The following PPP2R2D variants were observed in gnomAD, a reference collection of about 807,000 sequenced individuals.
PPP2R2D encodes the protein protein phosphatase 2 regulatory subunit Bdelta.
Under a neutral mutation model 31.1 loss-of-function variants are expected in PPP2R2D, and 9 were observed. That is an observed-to-expected ratio of 0.29 (90% CI 0.17 to 0.51). The LOEUF (loss-of-function observed/expected upper bound fraction) is 0.51. Ranked by LOEUF, PPP2R2D falls within the 20% of genes least tolerant of loss-of-function variation. The pLI is 0.98. For synonymous variants in PPP2R2D, 179 were observed against 172.6 expected (o/e 1.04, Z -0.29); for missense variants, 391 against 465.6 (o/e 0.84, Z 1.48).
At chr10:131,955,029 T>G (rs2120038004) in intron 8 of PPP2R2D, among the ~76,000 whole-genome samples, 1 of 152,328 alleles carries the variant, frequency 6.6e-6, no homozygotes, top group South Asian at 2.1e-4. Context: ...TATTATGAAG[T>G]TATATCATGA....
At chr10:131,953,494 G>T (rs1411387722) in intron 8 of PPP2R2D, among the ~76,000 whole-genome samples, 2 of 114,250 alleles carry the variant, frequency 1.8e-5, no homozygotes, top group Non-Finnish European at 3.5e-5. Context: ...GGGTGTGCGG[G>T]GGGTTCACTT....
At chr10:131,934,261 C>G (rs1271599503) in intron 2 of PPP2R2D, among the ~76,000 whole-genome samples, 197 bp from the exon 3 acceptor site, 1 of 152,144 alleles carries the variant, frequency 6.6e-6, no homozygotes, top group Non-Finnish European at 1.5e-5. Flanking sequence ...GCCCATTCAC[C>G]TGTGCCGGCA....
At chr10:131,939,088 A>G (rs11599591) in intron 3 of PPP2R2D, among the ~76,000 whole-genome samples, 23,118 of 134,984 alleles carry the variant, frequency 0.17, 2,113 homozygotes, top group South Asian at 0.23. Context: ...GGCTGCATTC[A>G]GCAGACCTGC....
At chr10:131,915,377 A>G (rs1404318969) in intron 2 of PPP2R2D, among the ~76,000 whole-genome samples, 1 of 152,108 alleles carries the variant, frequency 6.6e-6, no homozygotes, top group East Asian at 1.9e-4. Flanking sequence ...GCCACCTCAC[A>G]TTGGGATAGG....
At chr10:131,968,769 C>CTT in the PPP2R2D span, 1 of 494,474 alleles carries the variant, frequency 2.0e-6, no homozygotes, top group Admixed American at 3.3e-5. Flanking sequence ...TATTAATTAA[C>CTT]TTAGAAAACA....
At chr10:131,934,845 T>C (rs374955317) in intron 3 of PPP2R2D, 41 of 494,714 alleles carry the variant, frequency 8.3e-5, no homozygotes, top group Non-Finnish European at 1.4e-4. Context: ...TTTCATTCCA[T>C]AAGAACTCAC....
At chr10:131,914,962 T>A (rs140778071) in intron 2 of PPP2R2D, among the ~76,000 whole-genome samples, 152 of 152,120 alleles carry the variant, frequency 1.0e-3, no homozygotes, top group Admixed American at 2.0e-3. Context: ...GGAGGAAGGT[T>A]TTTCTCTCCG....
At chr10:131,929,763 C>T (rs2036181783) in intron 2 of PPP2R2D, among the ~76,000 whole-genome samples, 1 of 152,156 alleles carries the variant, frequency 6.6e-6, no homozygotes, top group Admixed American at 6.6e-5. Flanking sequence ...ACTTCTAGGG[C>T]ATGTTTTACA....
At chr10:131,930,668 C>T (rs1007750320) in intron 2 of PPP2R2D, among the ~76,000 whole-genome samples, 1 of 152,212 alleles carries the variant, frequency 6.6e-6, no homozygotes, top group Non-Finnish European at 1.5e-5. Flanking sequence ...CCGCATGTGA[C>T]CTGTTCATTT....
At chr10:131,952,964 G>A (rs1399639685) in intron 8 of PPP2R2D, among the ~76,000 whole-genome samples, 1 of 90,902 alleles carries the variant, frequency 1.1e-5, no homozygotes. Flanking sequence ...ACTTGCGAGT[G>A]TGCGGGGGTT....
rs781827357 is a variant in PPP2R2D, at chr10:131,940,692, C to T, written c.475C>T (p.Arg159Trp). The change falls in exon 5 of 9, where the codon CGG (arginine) becomes TGG (tryptophan). Residue 159 changes from arginine (R) to tryptophan (W), a missense_variant and splice_region_variant. Around this residue, in one of 3 missense-constraint regions of PPP2R2D, gnomAD observed 105 missense variants for 98.5 expected, o/e 1.07. Coordinates refer to ENST00000455566, the MANE Select transcript of PPP2R2D (RefSeq NM_018461.5). ...LRDPFRITAL[R>W]VPILKPMDLM... The stretch of plus-strand genomic sequence containing the variant: ...AGACCCATTTAGGATCACGGCGCTA[C>T]GGGTACACGTTGCCTTTGCTTTATC... 3.9e-6 allele frequency: 3 copies of T among 773,796 alleles called. No individual in the cohort carries two copies. The highest frequency in any genetic ancestry group is 1.7e-5 in the Admixed American group (1 of 58,040). 47.9% of individuals were successfully genotyped at this position (773,796 alleles called of 1,614,324 possible). A position where few individuals can be genotyped will look rare whatever the true frequency, so the allele number is the denominator to read the frequency against.
At chr10:131,971,230 T>C in the PPP2R2D span, 1 of 484,816 alleles carries the variant, frequency 2.1e-6, no homozygotes, top group Admixed American at 3.5e-5. Context: ...CGTAAATACA[T>C]TTGGTTCACT....
At chr10:131,913,126 G>A (rs1231218851) in intron 2 of PPP2R2D, among the ~76,000 whole-genome samples, 1 of 151,286 alleles carries the variant, frequency 6.6e-6, no homozygotes, top group Non-Finnish European at 1.5e-5. Context: ...AGGTTCAAAC[G>A]GTTCTCCTGC....
intron 2 of PPP2R2D, among the ~76,000 whole-genome samples, chr10:131,918,004 T>G (rs1475227229): frequency 9.1e-6 from 1 of 109,606 alleles, no homozygotes; most frequent in South Asian, 3.1e-4. Context: ...GGACCTCACG[T>G]GGGTGGAATG....
At chr10:131,953,881 A>G (rs1365461190) in intron 8 of PPP2R2D, among the ~76,000 whole-genome samples, 9 of 152,154 alleles carry the variant, frequency 5.9e-5, no homozygotes, top group African/African-American at 1.7e-4. Context: ...CTTAGATTAC[A>G]TATCCCCAAG....
chr10:131,947,621 G>A lies in PPP2R2D; in HGVS notation c.912G>A (p.Arg304=), dbSNP rs782682484. ...ISDVKFSHSG[R]YMMTRDYLSV... ...ATGTAAAATTCAGTCATAGTGGGCGGTACATGATGACCAGAGACTACCTGT... is the reference window on the plus strand; with the variant it reads ...ATGTAAAATTCAGTCATAGTGGGCGATACATGATGACCAGAGACTACCTGT... The change falls in exon 8 of 9, where the codon CGG becomes CGA. Residue 304 remains arginine (R), a synonymous_variant. Coordinates refer to ENST00000455566, the MANE Select transcript of PPP2R2D (RefSeq NM_018461.5). This position sits in a 1 kb window ranked among gnomAD's most constrained non-coding sequence, Gnocchi z 4.3. 7 of 1,614,222 alleles carry A rather than the reference G, an allele frequency of 4.3e-6. No homozygotes were observed. The highest frequency in any genetic ancestry group is 5.9e-6 in the Non-Finnish European group (7 of 1,180,048).
In PPP2R2D at chr10:131,944,840, T is replaced by C. The variant is rs115081449; in HGVS notation, c.656-455T>C. 3.7e-3 allele frequency among the ~76,000 whole-genome samples: 557 copies of C among 152,344 alleles called. 5 individuals are homozygous for C. Among genetic ancestry groups the C allele is most frequent in the African/African-American group, 0.012 (509 of 41,582 alleles). ...GAAGGATTTCTGTATAGGATTTCTG[T>C]TGGATCTGTTCTAGCTACACAGAAT... On this transcript the variant is annotated intron_variant, in intron 6 of 8. Coordinates refer to ENST00000455566, the MANE Select transcript of PPP2R2D (RefSeq NM_018461.5).
At chr10:131,928,600 T>C (rs1485704000) in intron 2 of PPP2R2D, among the ~76,000 whole-genome samples, 1 of 152,226 alleles carries the variant, frequency 6.6e-6, no homozygotes, top group Non-Finnish European at 1.5e-5. Context: ...GACATTGGGC[T>C]CTGAGGCTTA....
At chr10:131,937,006 G>A (rs1348078275) in intron 3 of PPP2R2D, among the ~76,000 whole-genome samples, 1 of 152,238 alleles carries the variant, frequency 6.6e-6, no homozygotes, top group Admixed American at 6.5e-5. Flanking sequence ...GCCGCCAAGA[G>A]GGTGAAGCTG....
Sources: allele counts gnomAD v4.1 joint callset (sites outside exome capture counted in the v4.1 genomes callset), GRCh38; gene constraint gnomAD v4.1.1; regional missense constraint gnomAD v4.1.1; non-coding constraint Gnocchi (gnomAD v3.1); transcripts MANE v1.5; gene names NCBI Gene and HGNC (gene_info 2026-07-23, HGNC 2026-07-21).